Variants in ITGBL1 observed in about 807,000 individuals in gnomAD.
ITGBL1 encodes integrin beta-like protein 1.
Under a neutral mutation model 68.5 loss-of-function variants are expected in ITGBL1, and 51 were observed. The observed-to-expected ratio is 0.74, with a 90% CI of 0.59 to 0.94. The LOEUF is 0.94. ITGBL1 is among the 40% of genes least tolerant of loss of function. The pLI is 0.00. For synonymous variants in ITGBL1, 209 were observed against 227.3 expected, an observed-to-expected ratio of 0.92 and a Z score of 0.72; for missense variants, 649 against 647.4, an observed-to-expected ratio of 1.00 and a Z score of -0.03.
At chr13:101,614,590 C>T (rs559376857) in intron 7 of ITGBL1, among the ~76,000 whole-genome samples, 184 of 152,182 alleles carry the variant, frequency 1.2e-3, no homozygotes, top group Non-Finnish European at 1.9e-3. Context: ...CCCAGCCCAG[C>T]CTTCCTGCTT....
chr13:101,692,593 G>T lies in ITGBL1; in HGVS notation c.1024G>T (p.Glu342Ter). Residue 342 changes from glutamate to a stop codon, truncating the protein, a stop_gained, in exon 8 of 11, where the codon GAA becomes TAA. Coordinates refer to ENST00000376180, the MANE Select transcript of ITGBL1 (RefSeq NM_004791.3). LOFTEE classifies it high-confidence loss of function. The stretch of plus-strand genomic sequence containing the variant: ...TTCTTTATACTTTCCAGGTAAATGT[G>T]AATGTGGCAAATGCACCTGCTATCC... ...DLPCSGRGKCECGKCTCYPPG... is the reference protein window; with the variant it reads ...DLPCSGRGKC 1 of 1,611,140 alleles carries T rather than the reference G, an allele frequency of 6.2e-7. No individual in the cohort carries two copies. The highest frequency in any genetic ancestry group is 8.5e-7 in the Non-Finnish European group (1 of 1,177,340).
At chr13:101,622,858 G>A (rs2031635187) in intron 7 of ITGBL1, among the ~76,000 whole-genome samples, 1 of 151,670 alleles carries the variant, frequency 6.6e-6, no homozygotes, top group African/African-American at 2.4e-5. Flanking sequence ...GCACTGATCT[G>A]GAAGGGAAAA....
At position 101,452,778 on chromosome 13, in the gene ITGBL1, C is replaced by G; in HGVS notation, c.-56C>G. 6.9e-7 allele frequency: 1 copy of G among 1,454,006 alleles called. No individual in the cohort carries two copies. Among genetic ancestry groups the G allele is most frequent in the Non-Finnish European group, 9.7e-7 (1 of 1,035,658 alleles). The allele number at this position is 1,454,006 out of a possible 1,614,324, so 90.1% of individuals were successfully genotyped here. A position where few individuals can be genotyped will look rare whatever the true frequency, so the allele number is the denominator to read the frequency against. On this transcript the variant is annotated 5_prime_UTR_variant, in exon 1 of 11. Coordinates refer to ENST00000376180, the MANE Select transcript of ITGBL1 (RefSeq NM_004791.3). ...CACCTCTCCCTCCTGCCGCCTCCCT[C>G]GGTGAACCCCACCTTGCAGAAGTGC...
rs143640979 is a variant in ITGBL1, at chr13:101,563,172, C to G, written c.317-4527C>G. ...AACATAGTACTTAGAGAAAAATTTA[C>G]AGAATTAAATGTTTATATTAGAACA... On this transcript the variant is annotated intron_variant, in intron 2 of 10. Transcript: ENST00000376180. Among the ~76,000 whole-genome samples, 211 of 150,028 alleles carry G rather than the reference C, an allele frequency of 1.4e-3. 2 individuals are homozygous for G. In the East Asian group the frequency reaches 0.03, roughly 21 times the overall value.
At chr13:101,698,054 C>T (rs2034043203) in intron 8 of ITGBL1, among the ~76,000 whole-genome samples, 1 of 152,182 alleles carries the variant, frequency 6.6e-6, no homozygotes, top group Non-Finnish European at 1.5e-5. Flanking sequence ...AACACACAGA[C>T]ATCATCCCTC....
chr13:101,679,063 C>T (rs1023147218), intron 7 of ITGBL1, among the ~76,000 whole-genome samples: 16 of 151,918 alleles, frequency 1.1e-4, no homozygotes, highest in African/African-American at 3.4e-4. Flanking sequence ...TGTGCCACCA[C>T]GCCCAGGTAA....
In ITGBL1 at chr13:101,582,695, T is replaced by C. The variant is rs1162042870; in HGVS notation, c.728-521T>C. 2.6e-5 allele frequency among the ~76,000 whole-genome samples: 4 copies of C among 152,290 alleles called. No individual in the cohort carries two copies. The East Asian group carries it at 7.7e-4, about 29-fold the overall frequency. ...CTTTGCTCAGTCTTTTTTTCTTGAC[T>C]TTCTCTTAGTTCTACCTCCAATGTC... On this transcript the variant is annotated intron_variant, in intron 5 of 10. Transcript: ENST00000376180.
intron 7 of ITGBL1, among the ~76,000 whole-genome samples, chr13:101,644,723 A>G (rs1274313217): frequency 6.6e-6 from 1 of 152,188 alleles, no homozygotes; most frequent in Non-Finnish European, 1.5e-5. Flanking sequence ...GAATTTGTCT[A>G]AGAAAAATCC....
At chr13:101,671,441 T>TGATTG (rs1220142097) in intron 7 of ITGBL1, among the ~76,000 whole-genome samples, 1 of 91,796 alleles carries the variant, frequency 1.1e-5, no homozygotes. Flanking sequence ...TTTTTTGTTT[T>TGATTG]TTTTTGTTTT....
chr13:101,684,472 G>A (rs1462514400), intron 7 of ITGBL1, among the ~76,000 whole-genome samples: 1 of 151,838 alleles, frequency 6.6e-6, no homozygotes, highest in Non-Finnish European at 1.5e-5. Flanking sequence ...TGAATAATAA[G>A]CATACAGTAT....
chr13:101,598,076 T>C, intron 6 of ITGBL1, 77 bp from the exon 7 acceptor site: 1 of 1,310,002 alleles, frequency 7.6e-7, no homozygotes, highest in East Asian at 2.4e-5. Context: ...TTGTGACATT[T>C]GCTGTTAGAA....
At chr13:101,503,867 C>T (rs1594851556) in intron 2 of ITGBL1, among the ~76,000 whole-genome samples, 1 of 152,148 alleles carries the variant, frequency 6.6e-6, no homozygotes, top group Non-Finnish European at 1.5e-5. Flanking sequence ...AATAACTAAA[C>T]AGCAGCCTGT....
intron 2 of ITGBL1, among the ~76,000 whole-genome samples, chr13:101,560,899 A>G (rs1316631010): frequency 6.6e-6 from 1 of 152,148 alleles, no homozygotes; most frequent in Non-Finnish European, 1.5e-5. Flanking sequence ...AAGTGTCTGT[A>G]AGATTTTGGT....
intron 7 of ITGBL1, among the ~76,000 whole-genome samples, chr13:101,600,907 G>A (rs1347302209): frequency 6.6e-6 from 1 of 151,860 alleles, no homozygotes; most frequent in African/African-American, 2.4e-5. Context: ...CTCTTTTTTT[G>A]TTGTGTCTCT....
intron 2 of ITGBL1, among the ~76,000 whole-genome samples, chr13:101,476,039 G>A (rs2048531857): frequency 6.6e-6 from 1 of 152,180 alleles, no homozygotes; most frequent in African/African-American, 2.4e-5. Flanking sequence ...TAAGTAAACA[G>A]ACAAATACAG....
At chr13:101,593,077 G>A (rs2050683020) in intron 6 of ITGBL1, among the ~76,000 whole-genome samples, 4 of 151,812 alleles carry the variant, frequency 2.6e-5, no homozygotes, top group African/African-American at 9.7e-5. Context: ...AACAACCCAA[G>A]TAAAAATAGG....
At chr13:101,464,144 C>A (rs1202266226) in intron 2 of ITGBL1, among the ~76,000 whole-genome samples, 1 of 152,110 alleles carries the variant, frequency 6.6e-6, no homozygotes, top group African/African-American at 2.4e-5. Flanking sequence ...GGCGATCCAC[C>A]CGCCTCAGCC....
At position 101,642,314 on chromosome 13, in the gene ITGBL1, T is replaced by C. The variant is rs533772907; in HGVS notation, c.1015+44015T>C. On this transcript the variant is annotated intron_variant, in intron 7 of 10. Coordinates refer to ENST00000376180, the MANE Select transcript of ITGBL1 (RefSeq NM_004791.3). ...TGATTTACATTTCTCTGATGGCCAG[T>C]GATGGTGAGCATTTTTTCATGTGCT... 1.6e-3 allele frequency among the ~76,000 whole-genome samples: 246 copies of C among 152,342 alleles called. 1 individual carries two copies. Among genetic ancestry groups the C allele is most frequent in the African/African-American group, 5.7e-3 (237 of 41,574 alleles).
At chr13:101,490,020 A>T (rs1176695303) in intron 2 of ITGBL1, 2 of 1,356,656 alleles carry the variant, frequency 1.5e-6, no homozygotes, top group South Asian at 2.5e-5. Context: ...ATTTTTCATT[A>T]AATTTTATTA....
Sources: allele counts gnomAD v4.1 joint callset (sites outside exome capture counted in the v4.1 genomes callset), GRCh38; gene constraint gnomAD v4.1.1; transcripts MANE v1.5; gene names NCBI Gene and HGNC (gene_info 2026-07-23, HGNC 2026-07-21).